CUL4A: variants seen among roughly 807,000 people sequenced by gnomAD.
The protein encoded by CUL4A is cullin 4A.
In CUL4A, 16 loss-of-function variants were observed where a neutral mutation model predicts 95.5. That is an observed-to-expected ratio of 0.17 (90% confidence interval 0.11 to 0.25). The LOEUF (loss-of-function observed/expected upper bound fraction) is 0.25. Among genes scored for constraint, CUL4A ranks in the 10% least tolerant of loss-of-function variants. The probability of loss-of-function intolerance (pLI) is 1.00; values close to 1 mark genes in which losing one functional copy is unlikely to be tolerated. For missense variants in CUL4A, 610 were observed against 937.0 expected, an observed-to-expected ratio of 0.65 and a Z score of 4.56; for synonymous variants, 380 against 353.1, an observed-to-expected ratio of 1.08 and a Z score of -0.85.
chr13:113,236,051 C>T (rs959345172), intron 8 of CUL4A, among the ~76,000 whole-genome samples: 12 of 150,632 alleles, frequency 8.0e-5, no homozygotes, highest in African/African-American at 2.9e-4. Flanking sequence ...ATGTGCAGAA[C>T]AGGACTTGGT....
chr13:113,246,515 A>G (rs1476560034), intron 15 of CUL4A, among the ~76,000 whole-genome samples: 1 of 152,174 alleles, frequency 6.6e-6, no homozygotes, highest in Non-Finnish European at 1.5e-5. Context: ...TCAGCAGGAG[A>G]TACAATACAT....
chr13:113,259,109 G>T (rs9604042), intron 18 of CUL4A, among the ~76,000 whole-genome samples: 11 of 152,070 alleles, frequency 7.2e-5, no homozygotes, highest in Non-Finnish European at 1.6e-4. Flanking sequence ...AAACTCTTTA[G>T]CTTTGAAAGT....
At chr13:113,249,829 T>C (rs2041949868) in intron 15 of CUL4A, among the ~76,000 whole-genome samples, 1 of 152,218 alleles carries the variant, frequency 6.6e-6, no homozygotes, top group African/African-American at 2.4e-5. Context: ...GTGATTTGCA[T>C]TTCCCTGATG....
rs1455826974 is a variant in CUL4A at position 113,266,690 on chromosome 13, T to C, written c.*3108T>C. 6.6e-6 allele frequency: 1 copy of C among 152,158 alleles called. No homozygotes were observed. The highest frequency in any genetic ancestry group is 1.5e-5 in the Non-Finnish European group (1 of 68,040). The allele number at this position is 152,158 out of a possible 1,614,324, so 9.4% of individuals were successfully genotyped here. ...AACTCGGCGTGGCACAAAGGGGCCG[T>C]GTGTGATCAGGAACTGGAACTTTGC... On this transcript the variant is annotated 3_prime_UTR_variant, in exon 20 of 20. Transcript: ENST00000375440.
chr13:113,242,211 G>A (rs530656492), intron 10 of CUL4A, among the ~76,000 whole-genome samples: 1 of 151,848 alleles, frequency 6.6e-6, no homozygotes, highest in Admixed American at 6.6e-5. Flanking sequence ...GTTGCAGTGA[G>A]CCGAGATCAC....
chr13:113,230,692 A>G (rs1342104131), intron 5 of CUL4A, among the ~76,000 whole-genome samples: 1 of 152,160 alleles, frequency 6.6e-6, no homozygotes, highest in Admixed American at 6.5e-5. Context: ...TATACAAACT[A>G]AGGCACATAA....
chr13:113,250,841 T>C (rs1257941046), intron 15 of CUL4A, among the ~76,000 whole-genome samples: 1 of 152,050 alleles, frequency 6.6e-6, no homozygotes, highest in Non-Finnish European at 1.5e-5. Flanking sequence ...ATCGATGATA[T>C]CGTGCCTGGG....
At chr13:113,208,887 G>C, upstream of CUL4A, 3 of 1,394,470 alleles carry the variant, frequency 2.2e-6, no homozygotes, top group Non-Finnish European at 2.8e-6. Flanking sequence ...GGGCCCGCCC[G>C]GGCTGAGGGG....
At chr13:113,262,395 C>T (rs2042304792) in intron 19 of CUL4A, among the ~76,000 whole-genome samples, 2 of 152,140 alleles carry the variant, frequency 1.3e-5, no homozygotes, top group African/African-American at 2.4e-5. Flanking sequence ...CTCACGCCAG[C>T]GATCCCAGCA....
intron 3 of CUL4A, among the ~76,000 whole-genome samples, chr13:113,225,841 T>C (rs1223681974): frequency 1.3e-5 from 2 of 152,248 alleles, no homozygotes; most frequent in African/African-American, 4.8e-5. Context: ...AATGAGCCAT[T>C]ATAATTTTGA....
chr13:113,249,426 A>G (rs2041938518), intron 15 of CUL4A, among the ~76,000 whole-genome samples: 1 of 152,194 alleles, frequency 6.6e-6, no homozygotes, highest in Non-Finnish European at 1.5e-5. Flanking sequence ...TGCACCATAC[A>G]TCAGTGCTTT....
chr13:113,219,125 C>T (rs2040805258), intron 3 of CUL4A, 77 bp downstream of exon 3: 4 of 815,006 alleles, frequency 4.9e-6, no homozygotes, highest in Non-Finnish European at 7.7e-6. Flanking sequence ...TGATAAAGAG[C>T]TAATGAGTAT....
At chr13:113,226,779 C>G (rs2041119373) in intron 3 of CUL4A, among the ~76,000 whole-genome samples, 1 of 152,200 alleles carries the variant, frequency 6.6e-6, no homozygotes, top group South Asian at 2.1e-4. Flanking sequence ...AATCCTAGCA[C>G]TTTGGGAGAC....
intron 2 of CUL4A, among the ~76,000 whole-genome samples, chr13:113,211,976 G>A (rs1034568916): frequency 1.3e-5 from 2 of 152,248 alleles, no homozygotes; most frequent in African/African-American, 2.4e-5. Context: ...CGCCACCAGC[G>A]TGTGGTGTCC....
intron 3 of CUL4A, among the ~76,000 whole-genome samples, chr13:113,222,442 T>C (rs1176999809): frequency 6.6e-6 from 1 of 151,876 alleles, no homozygotes; most frequent in East Asian, 1.9e-4. Context: ...CAGACACGGA[T>C]TGAGGCGGGG....
intron 3 of CUL4A, among the ~76,000 whole-genome samples, chr13:113,221,836 A>G (rs2040909318): frequency 6.6e-6 from 1 of 152,116 alleles, no homozygotes. Flanking sequence ...TCAGCCTCCC[A>G]AAGTGCTGGG....
intron 16 of CUL4A, 67 bp from the exon 17 acceptor site, chr13:113,254,626 C>A: frequency 8.9e-7 from 1 of 1,122,094 alleles, no homozygotes; most frequent in Non-Finnish European, 1.3e-6. Context: ...CAAAAAGAAG[C>A]TTCTTTTAAT....
intron 2 of CUL4A, among the ~76,000 whole-genome samples, chr13:113,213,356 TCTGAGATTCA>T (rs2040523550): frequency 6.6e-6 from 1 of 152,250 alleles, no homozygotes; most frequent in South Asian, 2.1e-4. Context: ...CTCCCATCTT[TCTGAGATTCA>T]CTGTCTTTCA....
Position 113,266,170 on chromosome 13 carries a change from C to T in CUL4A, c.*2588C>T, listed in dbSNP as rs1287594010. ...AGCTGGGCCTACAGGTGTACATCAC[C>T]ACGCCCAGATAATTTTTATTGTATT... is the stretch of plus-strand genomic sequence containing the variant. On this transcript the variant is annotated 3_prime_UTR_variant, in exon 20 of 20. Transcript: ENST00000375440. 6.6e-6 allele frequency: 1 copy of T among 152,110 alleles called. No individual in the cohort carries two copies. Among genetic ancestry groups the T allele is most frequent in the Non-Finnish European group, 1.5e-5 (1 of 68,026 alleles). 9.4% of individuals were successfully genotyped at this position (152,110 alleles called of 1,614,324 possible).
Sources: gnomAD v4.1 joint callset for allele counts (sites outside exome capture counted in the v4.1 genomes callset) on GRCh38, gnomAD v4.1.1 for gene constraint, MANE v1.5 for transcripts, NCBI Gene and HGNC (gene_info 2026-07-23, HGNC 2026-07-21) for gene names.